C11orf58: variants seen among roughly 807,000 people sequenced by gnomAD.
C11orf58 encodes the protein small acidic protein.
C11orf58 carries 5 observed loss-of-function variants against 22.7 expected under a neutral mutation model. That is an observed-to-expected ratio of 0.22 (90% CI 0.12 to 0.46). The LOEUF is 0.46. Among genes scored for constraint, C11orf58 ranks in the 20% least tolerant of loss-of-function variants. The pLI is 0.99. For synonymous variants in C11orf58, 71 were observed against 70.7 expected (o/e 1.00, Z -0.02); for missense variants, 151 against 223.3 (o/e 0.68, Z 2.06).
At chr11:16,753,888 G>T (rs747138377) in intron 4 of C11orf58, 2 of 509,134 alleles carry the variant, frequency 3.9e-6, no homozygotes, top group Non-Finnish European at 7.0e-6. Flanking sequence ...TTGTAGAGAC[G>T]GAGTTTTGCT....
rs1564884986 is a variant in C11orf58 at position 16,752,770 on chromosome 11, A to G, written c.209-15A>G. The stretch of plus-strand genomic sequence containing the variant: ...AATTTGACTGAAACATAACTAAAGT[A>G]TCCTGGACATGCAGGGGAAGAAGAC... On this transcript the variant is annotated splice_polypyrimidine_tract_variant and intron_variant, in intron 3 of 4. Transcript: ENST00000228136. 5 of 1,555,580 alleles carry G rather than the reference A, an allele frequency of 3.2e-6. No homozygotes were observed. Among genetic ancestry groups the G allele is most frequent in the Non-Finnish European group, 3.5e-6 (4 of 1,131,248 alleles).
chr11:16,749,219 G>A (rs1319670128), intron 3 of C11orf58: 1 of 152,020 alleles, frequency 6.6e-6, no homozygotes, highest in Non-Finnish European at 1.5e-5. Flanking sequence ...GTAATAAAAG[G>A]CACATATTAA....
chr11:16,748,296 T>A, intron 3 of C11orf58, 139 bp downstream of exon 3: 1 of 651,980 alleles, frequency 1.5e-6, no homozygotes, highest in Non-Finnish European at 2.6e-6. Context: ...GTGCAGTGGC[T>A]TAATGCCTGT....
intron 1 of C11orf58, among the ~76,000 whole-genome samples, chr11:16,743,956 T>C (rs1848467836): frequency 6.6e-6 from 1 of 152,010 alleles, no homozygotes. Context: ...TAGTCTGTTC[T>C]TTTAAAAAAT....
chr11:16,755,289 T>C lies in C11orf58; in HGVS notation c.*185T>C. 1 of 616,942 alleles carries C rather than the reference T, an allele frequency of 1.6e-6. No individual in the cohort carries two copies. Among genetic ancestry groups the C allele is most frequent in the Non-Finnish European group, 2.7e-6 (1 of 364,556 alleles). 38.2% of individuals were successfully genotyped at this position (616,942 alleles called of 1,614,324 possible). A position where few individuals can be genotyped will look rare whatever the true frequency, so the allele number is the denominator to read the frequency against. ...TTTATGGGCATGACTATAACCATTT[T>C]TGTAAAGAGTAAGAGTTGTATAAAA... On this transcript the variant is annotated 3_prime_UTR_variant, in exon 5 of 5. Coordinates refer to ENST00000228136, the MANE Select transcript of C11orf58 (RefSeq NM_014267.6).
intron 1 of C11orf58, among the ~76,000 whole-genome samples, chr11:16,742,122 A>G (rs1189669214): frequency 6.6e-6 from 1 of 152,258 alleles, no homozygotes; most frequent in Non-Finnish European, 1.5e-5. Flanking sequence ...GAAGTTGTAG[A>G]TGACAGTTAT....
chr11:16,740,134 C>G (rs1054113373), intron 1 of C11orf58, among the ~76,000 whole-genome samples: 1 of 152,100 alleles, frequency 6.6e-6, no homozygotes, highest in Non-Finnish European at 1.5e-5. Context: ...AGGAATTGAT[C>G]CACACTTTTG....
intron 1 of C11orf58, among the ~76,000 whole-genome samples, chr11:16,743,357 T>G (rs1720628135): frequency 6.6e-6 from 1 of 152,194 alleles, no homozygotes; most frequent in Non-Finnish European, 1.5e-5. Flanking sequence ...CAAGATGAAG[T>G]CCTTCCTGCT....
chr11:16,754,485 C>A (rs1411362960), intron 4 of C11orf58, among the ~76,000 whole-genome samples: 3 of 147,890 alleles, frequency 2.0e-5, no homozygotes, highest in African/African-American at 7.5e-5. Context: ...CATGCACCAC[C>A]ATGCCTGGCT....
chr11:16,743,745 T>C (rs1437411310), intron 1 of C11orf58, among the ~76,000 whole-genome samples: 1 of 152,150 alleles, frequency 6.6e-6, no homozygotes, highest in East Asian at 1.9e-4. Flanking sequence ...AACTATTTAG[T>C]TATTTTTAGC....
intron 1 of C11orf58, among the ~76,000 whole-genome samples, chr11:16,741,814 C>G (rs1238319193): frequency 1.3e-5 from 2 of 152,216 alleles, no homozygotes; most frequent in African/African-American, 4.8e-5. Context: ...CATTACCCCC[C>G]AGATGGGACT....
At position 16,753,542 on chromosome 11, in the gene C11orf58, C is replaced by T. The variant is rs1312432941; in HGVS notation, c.318+648C>T. ...CACACCAGGCTAATTTTTTGTATTT[C>T]AGGAGAGATAGGGTTTCACCATGTT... On this transcript the variant is annotated intron_variant, in intron 4 of 4. Transcript: ENST00000228136. 2.0e-5 allele frequency among the ~76,000 whole-genome samples: 3 copies of T among 151,586 alleles called. No homozygotes were observed. In the East Asian group the frequency reaches 5.8e-4, roughly 29 times the overall value.
Position 16,744,687 on chromosome 11 carries a change from A to T in C11orf58, c.147+3A>T. The T allele has an allele frequency of 6.2e-7, 1 of 1,613,046 alleles. No individual in the cohort carries two copies. The highest frequency in any genetic ancestry group is 2.2e-5 in the East Asian group (1 of 44,850). On this transcript the variant is annotated splice_donor_region_variant and intron_variant, in intron 2 of 4. Transcript: ENST00000228136. ...TGAGACTTATGGGTGCAGGAAAGGT[A>T]AGCATCAGATGGTGTGCATTTTTAC...
chr11:16,752,868 C>T lies in C11orf58; in HGVS notation c.292C>T (p.Arg98Ter). ...CAGTAAATTATCAGGAAGATATCGG[C>T]GACATTGTGGACTTGGCTTCAGTGA... is the stretch of plus-strand genomic sequence containing the variant. ...MDSKLSGRYR[R>*]HCGLGFSEVE... Residue 98 changes from arginine to a stop codon, truncating the protein, a stop_gained, in exon 4 of 5, where the codon CGA (arginine) becomes TGA (stop). Transcript: ENST00000228136. LOFTEE classifies it high-confidence loss of function. 1.9e-6 allele frequency: 3 copies of T among 1,609,976 alleles called. No individual in the cohort carries two copies. The highest frequency in any genetic ancestry group is 1.1e-5 in the South Asian group (1 of 90,264).
At chr11:16,753,102 CT>C (rs973105490) in intron 4 of C11orf58, among the ~76,000 whole-genome samples, 7 of 151,002 alleles carry the variant, frequency 4.6e-5, no homozygotes, top group Non-Finnish European at 8.9e-5. Context: ...TTGTTTTTTC[CT>C]TTTTTTTTGA....
intron 2 of C11orf58, among the ~76,000 whole-genome samples, chr11:16,746,321 T>C (rs1034578126): frequency 8.5e-5 from 13 of 152,228 alleles, no homozygotes; most frequent in Non-Finnish European, 1.8e-4. Context: ...TAGAAAATAG[T>C]CTGCAATTTC....
Position 16,738,695 on chromosome 11 carries a change from C to A in C11orf58, c.-84C>A. 2.7e-6 allele frequency: 4 copies of A among 1,457,730 alleles called. No homozygotes were observed. The highest frequency in any genetic ancestry group is 3.8e-6 in the Non-Finnish European group (4 of 1,040,300). The allele number at this position is 1,457,730 out of a possible 1,614,324, so 90.3% of individuals were successfully genotyped here. On this transcript the variant is annotated 5_prime_UTR_variant, in exon 1 of 5. Coordinates refer to ENST00000228136, the MANE Select transcript of C11orf58 (RefSeq NM_014267.6). The stretch of plus-strand genomic sequence containing the variant: ...CGTTCTGTAGTGGCGCTGCTTGGGC[C>A]CTTGGCGGATTGTAAGCTGCTGGTT...
At position 16,758,035 on chromosome 11, in the gene C11orf58, G is replaced by T. The variant is rs759406571; in HGVS notation, c.*2931G>T. 3.9e-5 allele frequency among the ~76,000 whole-genome samples: 6 copies of T among 152,032 alleles called. No individual in the cohort carries two copies. The highest frequency in any genetic ancestry group is 7.4e-5 in the Non-Finnish European group (5 of 68,024). On this transcript the variant is annotated 3_prime_UTR_variant, in exon 5 of 5. Coordinates refer to ENST00000228136, the MANE Select transcript of C11orf58 (RefSeq NM_014267.6). ...GGTTCCATTACTTGTTTCCACCACA[G>T]CCACATCCTAAATACTTGGAATATC... is the stretch of plus-strand genomic sequence containing the variant.
chr11:16,751,403 G>T (rs1848531728), intron 3 of C11orf58: 1 of 151,958 alleles, frequency 6.6e-6, no homozygotes, highest in South Asian at 2.1e-4. Flanking sequence ...TCGGGAGGCT[G>T]AGGCACGAGA....
Sources: gnomAD v4.1 joint callset for allele counts (sites outside exome capture counted in the v4.1 genomes callset) on GRCh38, gnomAD v4.1.1 for gene constraint, MANE v1.5 for transcripts, NCBI Gene and HGNC (gene_info 2026-07-23, HGNC 2026-07-21) for gene names.